AKAP6: variants seen among roughly 807,000 people sequenced by gnomAD.
The protein encoded by AKAP6 is A-kinase anchoring protein 6.
AKAP6 carries 58 observed loss-of-function variants against 188.5 expected under a neutral mutation model. The observed-to-expected ratio is 0.31, with a 90% CI of 0.25 to 0.38. The LOEUF (loss-of-function observed/expected upper bound fraction) is 0.38. Among genes scored for constraint, AKAP6 ranks in the 10% least tolerant of loss-of-function variants. The probability of loss-of-function intolerance (pLI) is 1.00; values close to 1 mark genes in which losing one functional copy is unlikely to be tolerated. For synonymous variants in AKAP6, 989 were observed against 998.6 expected, an observed-to-expected ratio of 0.99 and a Z score of 0.18; for missense variants, 2,710 against 2,740.0, an observed-to-expected ratio of 0.99 and a Z score of 0.24.
chr14:32,363,370 T>G (rs1267439297), intron 1 of AKAP6, among the ~76,000 whole-genome samples: 2 of 152,210 alleles, frequency 1.3e-5, no homozygotes, highest in African/African-American at 4.8e-5. Context: ...GGGAGTTTAC[T>G]AAGGAGTATT....
rs1483460572 is a variant in AKAP6 at position 32,545,965 on chromosome 14, T to C, written c.1312T>C (p.Cys438Arg). 6.2e-7 allele frequency: 1 copy of C among 1,614,186 alleles called. No homozygotes were observed. Among genetic ancestry groups the C allele is most frequent in the Non-Finnish European group, 8.5e-7 (1 of 1,180,024 alleles). The change falls in exon 4 of 14, where the codon TGC becomes CGC. Residue 438 changes from cysteine (C) to arginine (R), a missense_variant. Transcript: ENST00000280979. ...AGATCCTCCTGACAGATCCAAACTT[T>C]GCCTGGTATTGCAGTCTTCTTACCC... is the stretch of plus-strand genomic sequence containing the variant. ...LVDPPDRSKL[C>R]LVLQSSYPNS...
chr14:32,385,462 G>A (rs760363263), intron 1 of AKAP6, among the ~76,000 whole-genome samples: 1 of 149,574 alleles, frequency 6.7e-6, no homozygotes, highest in Non-Finnish European at 1.5e-5. Flanking sequence ...TTGGATACAT[G>A]AGTAAGTTCT....
chr14:32,365,271 C>T (rs1167416079), intron 1 of AKAP6, among the ~76,000 whole-genome samples: 1 of 152,152 alleles, frequency 6.6e-6, no homozygotes, highest in Non-Finnish European at 1.5e-5. Flanking sequence ...GATTAAGTCG[C>T]AGGAGAAAAG....
chr14:32,823,791 T>A lies in AKAP6; in HGVS notation c.5978T>A (p.Phe1993Tyr). The change falls in exon 13 of 14, where the codon TTT becomes TAT. Residue 1993 changes from phenylalanine to tyrosine, a missense_variant. Coordinates refer to ENST00000280979, the MANE Select transcript of AKAP6 (RefSeq NM_004274.5). ...TCAGAACTGGCTTTAGAAACCAGGT[T>A]TAACAACAGACAAGACTCTGATGCA... is the stretch of plus-strand genomic sequence containing the variant. Reference protein sequence around the residue: ...SFSELALETRFNNRQDSDALK... With the variant: ...SFSELALETRYNNRQDSDALK... 1 of 1,613,546 alleles carries A rather than the reference T, an allele frequency of 6.2e-7. No homozygotes were observed. Among genetic ancestry groups the A allele is most frequent in the South Asian group, 1.1e-5 (1 of 91,070 alleles).
intron 11 of AKAP6, among the ~76,000 whole-genome samples, chr14:32,754,741 T>A (rs2032268344): frequency 6.6e-6 from 1 of 152,188 alleles, no homozygotes; most frequent in South Asian, 2.1e-4. Flanking sequence ...TCTCCTTTAT[T>A]TCTGAAGGAC....
chr14:32,426,497 A>G (rs17099064), intron 1 of AKAP6, among the ~76,000 whole-genome samples: 6,693 of 152,246 alleles, frequency 0.044, 413 homozygotes, highest in African/African-American at 0.14. Flanking sequence ...CCTTTACCTT[A>G]ATAGCATTGA....
chr14:32,479,229 A>T (rs1879219012), intron 2 of AKAP6, among the ~76,000 whole-genome samples: 1 of 152,176 alleles, frequency 6.6e-6, no homozygotes, highest in African/African-American at 2.4e-5. Flanking sequence ...AGTGGACCAC[A>T]TATGACTTAC....
At chr14:32,525,764 CT>C (rs1882089269) in intron 2 of AKAP6, among the ~76,000 whole-genome samples, 1 of 152,282 alleles carries the variant, frequency 6.6e-6, no homozygotes, top group South Asian at 2.1e-4. Flanking sequence ...CACAAACATC[CT>C]TTGCATCTGT....
At chr14:32,488,944 C>G (rs1246960367) in intron 2 of AKAP6, among the ~76,000 whole-genome samples, 1 of 152,206 alleles carries the variant, frequency 6.6e-6, no homozygotes, top group Non-Finnish European at 1.5e-5. Context: ...CAGACTGGAG[C>G]TGTTCCTATT....
intron 2 of AKAP6, among the ~76,000 whole-genome samples, chr14:32,459,791 A>T (rs531146091): frequency 3.3e-5 from 5 of 151,654 alleles, no homozygotes; most frequent in South Asian, 4.2e-4. Flanking sequence ...ATACTCAGGG[A>T]TGGAAAATGG....
chr14:32,387,308 G>T (rs1888563562), intron 1 of AKAP6, among the ~76,000 whole-genome samples: 1 of 151,862 alleles, frequency 6.6e-6, no homozygotes. Context: ...GATTGCTCTG[G>T]CTAGGACTTC....
At chr14:32,344,046 T>C (rs1303920684) in intron 1 of AKAP6, among the ~76,000 whole-genome samples, 1 of 152,224 alleles carries the variant, frequency 6.6e-6, no homozygotes, top group Non-Finnish European at 1.5e-5. Context: ...ACTCTGGCTG[T>C]TGTATTCCCC....
intron 7 of AKAP6, among the ~76,000 whole-genome samples, chr14:32,637,619 T>G (rs1040195834): frequency 1.2e-4 from 19 of 152,036 alleles, no homozygotes; most frequent in Non-Finnish European, 4.4e-5. Flanking sequence ...CCATGAGATC[T>G]AAGTTGAAAA....
chr14:32,343,201 A>G (rs1405777925), intron 1 of AKAP6, among the ~76,000 whole-genome samples: 2 of 137,992 alleles, frequency 1.4e-5, no homozygotes, highest in African/African-American at 5.7e-5. Flanking sequence ...TCTGGGTCCT[A>G]TTTTCTTCAC....
intron 11 of AKAP6, among the ~76,000 whole-genome samples, chr14:32,757,459 T>C (rs2032380079): frequency 6.6e-6 from 1 of 152,176 alleles, no homozygotes; most frequent in Non-Finnish European, 1.5e-5. Context: ...GAATGCTAAC[T>C]GTTGGATCAG....
chr14:32,533,692 G>A (rs1221590568), intron 2 of AKAP6, among the ~76,000 whole-genome samples: 2 of 152,166 alleles, frequency 1.3e-5, no homozygotes, highest in Admixed American at 6.5e-5. Context: ...TGGGGTAGTG[G>A]TCAAGAGGTG....
At chr14:32,366,473 TGTG>T (rs1234672424) in intron 1 of AKAP6, among the ~76,000 whole-genome samples, 1 of 152,142 alleles carries the variant, frequency 6.6e-6, no homozygotes. Context: ...TGGGATGAGT[TGTG>T]GGGGAAGTCT....
At chr14:32,784,637 C>A (rs1034816936) in intron 12 of AKAP6, among the ~76,000 whole-genome samples, 1 of 152,146 alleles carries the variant, frequency 6.6e-6, no homozygotes, top group African/African-American at 2.4e-5. Context: ...CAGCATTGAA[C>A]ATGTACTGTT....
intron 7 of AKAP6, among the ~76,000 whole-genome samples, chr14:32,613,166 T>C (rs977016934): frequency 6.6e-6 from 1 of 152,204 alleles, no homozygotes; most frequent in Admixed American, 6.5e-5. Flanking sequence ...GAACACAGTC[T>C]CTCTGTTTTA....
Sources: allele counts gnomAD v4.1 joint callset (sites outside exome capture counted in the v4.1 genomes callset), GRCh38; gene constraint gnomAD v4.1.1; transcripts MANE v1.5; gene names NCBI Gene and HGNC (gene_info 2026-07-23, HGNC 2026-07-21).